Variants in VSTM2A observed in about 807,000 individuals in gnomAD.
The protein encoded by VSTM2A is V-set and transmembrane domain containing 2A, also known as V-set and transmembrane domain-containing protein 2A.
A neutral mutation model predicts 27.3 loss-of-function variants in VSTM2A; 13 were observed. The ratio of observed to expected loss-of-function variants is 0.48; its 90% CI spans 0.31 to 0.76. The LOEUF (loss-of-function observed/expected upper bound fraction) is 0.76. Ranked by LOEUF, VSTM2A falls within the 30% of genes least tolerant of loss-of-function variation. The pLI is 0.05. For synonymous variants in VSTM2A, 142 were observed against 125.7 expected (o/e 1.13, Z -0.87); for missense variants, 280 against 310.0 (o/e 0.90, Z 0.73).
At chr7:54,546,332 C>T (rs1584044307) in intron 2 of VSTM2A, 1 of 144,848 alleles carries the variant, frequency 6.9e-6, no homozygotes, top group East Asian at 1.9e-4. Flanking sequence ...AGGAAAATAG[C>T]GGGAGGAGGG....
intron 2 of VSTM2A, among the ~76,000 whole-genome samples, chr7:54,545,710 AGAGAGAGGGAAGGGGAAAAAGG>A (rs1787931625): frequency 1.3e-5 from 1 of 74,656 alleles, no homozygotes; most frequent in Non-Finnish European, 2.4e-5. Flanking sequence ...GAAGGGAAAG[AGAGAGAGGGAAGGGGAAAAAGG>A]GAGAGAGGGA....
chr7:54,554,157 A>C, intron 4 of VSTM2A: 1 of 1,518,250 alleles, frequency 6.6e-7, no homozygotes. Flanking sequence ...ACCCTCTCAC[A>C]TCTCGTCCTT....
Position 54,569,557 on chromosome 7 carries a change from C to A in VSTM2A, c.*338C>A. On this transcript the variant is annotated 3_prime_UTR_variant, in exon 5 of 5. Transcript: ENST00000402613. ...AGAAGCTATCATCAGACAAAACCCCCTTTTTAGGGGAAGAACAAAACTATC... is the reference window on the plus strand; with the variant it reads ...AGAAGCTATCATCAGACAAAACCCCATTTTTAGGGGAAGAACAAAACTATC... The A allele has an allele frequency of 4.5e-6, 1 of 222,618 alleles. No homozygotes were observed. The highest frequency in any genetic ancestry group is 8.8e-6 in the Non-Finnish European group (1 of 113,088). 13.8% of individuals were successfully genotyped at this position (222,618 alleles called of 1,614,324 possible).
At chr7:54,548,387 T>C (rs1584047813) in intron 3 of VSTM2A, among the ~76,000 whole-genome samples, 1 of 151,846 alleles carries the variant, frequency 6.6e-6, no homozygotes, top group Non-Finnish European at 1.5e-5. Flanking sequence ...CTTGAACATA[T>C]TTTCTCAACC....
At chr7:54,546,882 C>CT in intron 2 of VSTM2A, 65 bp from the exon 3 acceptor site, 1 of 1,589,626 alleles carries the variant, frequency 6.3e-7, no homozygotes, top group Non-Finnish European at 8.5e-7. Context: ...GAAGGCTATG[C>CT]TCGCGTGGGA....
At chr7:54,565,300 G>A (rs1331452898) in intron 4 of VSTM2A, among the ~76,000 whole-genome samples, 1 of 152,232 alleles carries the variant, frequency 6.6e-6, no homozygotes, top group Non-Finnish European at 1.5e-5. Flanking sequence ...GGATTGTTGT[G>A]AGGATTAACC....
In VSTM2A at chr7:54,550,107, C is replaced by T; in HGVS notation, c.571C>T (p.Arg191Ter). The T allele has an allele frequency of 3.1e-6, 5 of 1,607,786 alleles. No homozygotes were observed. Among genetic ancestry groups the T allele is most frequent in the East Asian group, 2.2e-5 (1 of 44,558 alleles). ...PSSIHGSANQ[R>*]THSTSSPQVV... is the part of the protein sequence containing the mutation. Reference sequence around the variant, plus strand: ...CAGCATCCATGGCTCTGCCAACCAACGAACGCACTCCACCTCCAGCCCTCA... The same window carrying T: ...CAGCATCCATGGCTCTGCCAACCAATGAACGCACTCCACCTCCAGCCCTCA... Residue 191 changes from arginine (R) to a stop codon, truncating the protein, a stop_gained, in exon 4 of 5, where the codon CGA (arginine) becomes TGA (stop). Coordinates refer to ENST00000402613, the MANE Select transcript of VSTM2A (RefSeq NM_001301009.2). LOFTEE classifies it high-confidence loss of function.
In VSTM2A at chr7:54,556,015, C is replaced by G. The variant is rs1043266808; in HGVS notation, c.634+5845C>G. On this transcript the variant is annotated intron_variant, in intron 4 of 4. Coordinates refer to ENST00000402613, the MANE Select transcript of VSTM2A (RefSeq NM_001301009.2). ...TTCCAAAAGTTAAAAGAATCATTGGCTTTTTGAAGTTTTTCAGGGTAAAAA... is the reference window on the plus strand; with the variant it reads ...TTCCAAAAGTTAAAAGAATCATTGGGTTTTTGAAGTTTTTCAGGGTAAAAA... 1.5e-4 allele frequency among the ~76,000 whole-genome samples: 23 copies of G among 152,216 alleles called. No homozygotes were observed. In the South Asian group the frequency reaches 3.3e-3, roughly 22 times the overall value.
At chr7:54,549,735 G>A (rs145674790) in intron 3 of VSTM2A, 99 bp from the exon 4 acceptor site, 12,012 of 1,141,668 alleles carry the variant, frequency 0.011, 99 homozygotes, top group South Asian at 0.018. Flanking sequence ...GGGCCATTAA[G>A]ACCCTTTAAC....
chr7:54,557,770 C>T (rs1788418610), intron 4 of VSTM2A: 1 of 152,140 alleles, frequency 6.6e-6, no homozygotes, highest in African/African-American at 2.4e-5. Flanking sequence ...AATAATATGA[C>T]TATTATTGCA....
intron 4 of VSTM2A, chr7:54,559,902 G>T (rs561343625): frequency 3.3e-5 from 5 of 152,028 alleles, no homozygotes; most frequent in Non-Finnish European, 7.4e-5. Context: ...ATAGCATACA[G>T]AACTTTAAAT....
At chr7:54,550,572 C>G in intron 4 of VSTM2A, 1 of 248,576 alleles carries the variant, frequency 4.0e-6, no homozygotes. Flanking sequence ...ATGAGAGAGA[C>G]ATGCCATATC....
At chr7:54,566,921 A>G (rs1788743096) in intron 4 of VSTM2A, among the ~76,000 whole-genome samples, 1 of 152,238 alleles carries the variant, frequency 6.6e-6, no homozygotes, top group Admixed American at 6.5e-5. Flanking sequence ...ATAAACCATA[A>G]CATGTTTGAT....
chr7:54,571,036 G>A lies in VSTM2A; in HGVS notation c.*1817G>A, dbSNP rs1287161440. On this transcript the variant is annotated 3_prime_UTR_variant, in exon 5 of 5. Transcript: ENST00000402613. ...ATTTGGTTTATCATTTCAGTTTAAT[G>A]AGAAAAATTAATAAAGGTTTTGATT... The A allele has an allele frequency of 6.6e-6, 1 of 152,064 alleles. No individual in the cohort carries two copies. Among genetic ancestry groups the A allele is most frequent in the Non-Finnish European group, 1.5e-5 (1 of 68,002 alleles). The allele number at this position is 152,064 out of a possible 1,614,324, so 9.4% of individuals were successfully genotyped here.
intron 3 of VSTM2A, among the ~76,000 whole-genome samples, chr7:54,549,372 T>G (rs1788106944): frequency 6.6e-6 from 1 of 152,242 alleles, no homozygotes; most frequent in South Asian, 2.1e-4. Context: ...TACAAGTGCA[T>G]TCTCACTCAA....
chr7:54,548,132 A>T (rs1788062324), intron 3 of VSTM2A, among the ~76,000 whole-genome samples: 2 of 152,168 alleles, frequency 1.3e-5, no homozygotes, highest in South Asian at 4.1e-4. Flanking sequence ...ATATAACTAG[A>T]TAGATTGCTT....
chr7:54,542,947 T>C, intron 1 of VSTM2A, 138 bp downstream of exon 1: 1 of 799,466 alleles, frequency 1.3e-6, no homozygotes, highest in Non-Finnish European at 2.0e-6. Flanking sequence ...AGTGTTCTGT[T>C]TGACGATTTT....
At chr7:54,555,106 A>T (rs1788312381) in intron 4 of VSTM2A, among the ~76,000 whole-genome samples, 1 of 152,192 alleles carries the variant, frequency 6.6e-6, no homozygotes, top group South Asian at 2.1e-4. Context: ...CTCTTCTGTC[A>T]GCTGCCACAC....
intron 4 of VSTM2A, among the ~76,000 whole-genome samples, chr7:54,560,914 A>G (rs991640498): frequency 6.6e-6 from 1 of 152,200 alleles, no homozygotes; most frequent in Non-Finnish European, 1.5e-5. Flanking sequence ...TTATGAGTCA[A>G]TGTTTTTCTT....
Sources: gnomAD v4.1 joint callset for allele counts (sites outside exome capture counted in the v4.1 genomes callset) on GRCh38, gnomAD v4.1.1 for gene constraint, MANE v1.5 for transcripts, NCBI Gene and HGNC (gene_info 2026-07-23, HGNC 2026-07-21) for gene names.